Variants in GABRG1 observed in about 807,000 individuals in gnomAD.
The protein encoded by GABRG1 is gamma-aminobutyric acid type A receptor subunit gamma1, also known as gamma-aminobutyric acid receptor subunit gamma-1.
A neutral mutation model predicts 49.8 loss-of-function variants in GABRG1; 49 were observed. The observed-to-expected ratio is 0.98, with a 90% CI of 0.78 to 1.25. The LOEUF (loss-of-function observed/expected upper bound fraction) is 1.25, where lower values mean the gene tolerates loss of function less well. Among genes scored for constraint, GABRG1 ranks in the 50% most tolerant of loss-of-function variants. The pLI is 0.00. For missense variants in GABRG1, 552 were observed against 552.3 expected, an observed-to-expected ratio of 1.00 and a Z score of 0.01; for synonymous variants, 232 against 185.1, an observed-to-expected ratio of 1.25 and a Z score of -2.06.
At chr4:46,089,525 G>A (rs894941314) in intron 2 of GABRG1, among the ~76,000 whole-genome samples, 1 of 152,064 alleles carries the variant, frequency 6.6e-6, no homozygotes, top group Non-Finnish European at 1.5e-5. Context: ...CCCCCACAGT[G>A]TCACCCTAGT....
At chr4:46,091,837 C>T (rs1173257882) in intron 2 of GABRG1, among the ~76,000 whole-genome samples, 1 of 151,844 alleles carries the variant, frequency 6.6e-6, no homozygotes, top group East Asian at 1.9e-4. Context: ...CTGTAAACTC[C>T]TCAATATAAA....
At chr4:46,093,187 T>C (rs1337339266) in intron 2 of GABRG1, among the ~76,000 whole-genome samples, 2 of 151,940 alleles carry the variant, frequency 1.3e-5, no homozygotes, top group Non-Finnish European at 2.9e-5. Context: ...GATTGTTTCC[T>C]AATGATAAAA....
intron 2 of GABRG1, among the ~76,000 whole-genome samples, chr4:46,095,433 G>A (rs966064236): frequency 4.0e-5 from 6 of 151,650 alleles, no homozygotes; most frequent in African/African-American, 7.2e-5. Context: ...ATGTATCAAT[G>A]TCTAGAAAAA....
chr4:46,110,982 C>T (rs1289279165), intron 1 of GABRG1, among the ~76,000 whole-genome samples: 2 of 150,892 alleles, frequency 1.3e-5, no homozygotes, highest in Admixed American at 6.6e-5. Context: ...CAACGTAAGA[C>T]TAGAAATGCT....
chr4:46,085,177 G>C (rs958866156), intron 2 of GABRG1, among the ~76,000 whole-genome samples: 1 of 151,340 alleles, frequency 6.6e-6, no homozygotes, highest in Non-Finnish European at 1.5e-5. Context: ...TCTACATTGA[G>C]AGGGAAATTG....
At chr4:46,090,955 T>C (rs2350441) in intron 2 of GABRG1, among the ~76,000 whole-genome samples, 48,381 of 129,142 alleles carry the variant, frequency 0.37, 8,627 homozygotes, top group Non-Finnish European at 0.41. Context: ...CACACACACA[T>C]ACACACACAC....
Position 46,065,601 on chromosome 4 carries a change from G to GT in GABRG1, c.322-18dup. On this transcript the variant is annotated splice_polypyrimidine_tract_variant and intron_variant, in intron 3 of 8. Transcript: ENST00000295452. ...TGTATATTCCTAAAATATAAGAAGA[G>GT]TAACAACATATTAGTAAAGCTACTA... 4 of 1,117,118 alleles carry GT rather than the reference G, an allele frequency of 3.6e-6. No individual in the cohort carries two copies. Among genetic ancestry groups the GT allele is most frequent in the Non-Finnish European group, 5.3e-6 (4 of 752,642 alleles). The allele number at this position is 1,117,118 out of a possible 1,614,324, so 69.2% of individuals were successfully genotyped here.
intron 1 of GABRG1, among the ~76,000 whole-genome samples, chr4:46,118,638 GA>G (rs1275565502): frequency 6.6e-6 from 1 of 150,910 alleles, no homozygotes; most frequent in East Asian, 1.9e-4. Flanking sequence ...CTAGTTTCCA[GA>G]ACCCTGCTTA....
At chr4:46,071,101 T>C (rs1215447682) in intron 3 of GABRG1, among the ~76,000 whole-genome samples, 1 of 152,042 alleles carries the variant, frequency 6.6e-6, no homozygotes, top group East Asian at 1.9e-4. Context: ...ACAGATTACT[T>C]ACGTCTTTCT....
At chr4:46,060,486 T>C (rs1718631460) in intron 5 of GABRG1, among the ~76,000 whole-genome samples, 1 of 152,194 alleles carries the variant, frequency 6.6e-6, no homozygotes, top group Non-Finnish European at 1.5e-5. Flanking sequence ...TAGATGTTTG[T>C]AGCTAAAAAG....
In GABRG1 at chr4:46,040,006, AAGATT is replaced by A. The variant is rs1347714783; in HGVS notation, c.*977_*981del. 4.6e-5 allele frequency: 7 copies of A among 151,872 alleles called. No homozygotes were observed. The highest frequency in any genetic ancestry group is 1.0e-4 in the Non-Finnish European group (7 of 67,850). 9.4% of individuals were successfully genotyped at this position (151,872 alleles called of 1,614,324 possible). On this transcript the variant is annotated 3_prime_UTR_variant, in exon 9 of 9. Coordinates refer to ENST00000295452, the MANE Select transcript of GABRG1 (RefSeq NM_173536.4). ...AAAACAATGCTAATAGCACATATTT[AAGATT>A]TTGTCCTCAATATGACCGGCAACTC...
intron 3 of GABRG1, among the ~76,000 whole-genome samples, chr4:46,075,001 A>T (rs573089858): frequency 6.6e-6 from 1 of 152,126 alleles, no homozygotes; most frequent in African/African-American, 2.4e-5. Flanking sequence ...GCAAAAGGCA[A>T]GATCATAATT....
chr4:46,091,097 T>A lies in GABRG1; in HGVS notation c.253+6104A>T, dbSNP rs144438363. Among the ~76,000 whole-genome samples, 491 of 152,026 alleles carry A rather than the reference T, an allele frequency of 3.2e-3. 1 individual carries two copies. Among genetic ancestry groups the A allele is most frequent in the African/African-American group, 0.011 (476 of 41,502 alleles). ...TGACAAACCAAATATAAGCAGCTCC[T>A]AAGCATCTAAAACAACAGGAAGAGA... On this transcript the variant is annotated intron_variant, in intron 2 of 8. Coordinates refer to ENST00000295452, the MANE Select transcript of GABRG1 (RefSeq NM_173536.4).
At chr4:46,069,686 A>G (rs1382930660) in intron 3 of GABRG1, among the ~76,000 whole-genome samples, 1 of 152,116 alleles carries the variant, frequency 6.6e-6, no homozygotes, top group African/African-American at 2.4e-5. Context: ...GGCACATAGC[A>G]TCGTGTGCAT....
intron 3 of GABRG1, among the ~76,000 whole-genome samples, chr4:46,083,727 T>C (rs1387435097): frequency 6.6e-6 from 1 of 151,518 alleles, no homozygotes; most frequent in Non-Finnish European, 1.5e-5. Context: ...AGGGACCTCT[T>C]CTTGGTGGAT....
chr4:46,086,192 C>T (rs1577656005), intron 2 of GABRG1, among the ~76,000 whole-genome samples: 3 of 151,544 alleles, frequency 2.0e-5, no homozygotes, highest in African/African-American at 7.3e-5. Flanking sequence ...AGTAGATATT[C>T]TCCCAGTGGG....
rs566003925 is a variant in GABRG1, at chr4:46,122,800, CAG to C, written c.104+1008_104+1009del. Among the ~76,000 whole-genome samples the C allele has an allele frequency of 3.4e-4, 52 of 152,018 alleles. No individual in the cohort carries two copies. In the East Asian group the frequency reaches 5.2e-3, roughly 15 times the overall value. On this transcript the variant is annotated intron_variant, in intron 1 of 8. Coordinates refer to ENST00000295452, the MANE Select transcript of GABRG1 (RefSeq NM_173536.4). Reference sequence around the variant, plus strand: ...TTGTACTTTACTTTTGAATTCTATACAGAGTTACTTTTTTAATAATGTAATGA... The same window carrying C: ...TTGTACTTTACTTTTGAATTCTATACAGTTACTTTTTTAATAATGTAATGA...
intron 1 of GABRG1, among the ~76,000 whole-genome samples, chr4:46,101,494 T>C (rs16859082): frequency 0.08 from 12,185 of 151,630 alleles, 940 homozygotes; most frequent in African/African-American, 0.2. Flanking sequence ...GCACACTATA[T>C]GACAAAAAAA....
At chr4:46,097,085 A>T (rs559695476) in intron 2 of GABRG1, 116 bp downstream of exon 2, 1 of 878,618 alleles carries the variant, frequency 1.1e-6, no homozygotes, top group African/African-American at 1.7e-5. Flanking sequence ...CTTCAAATTC[A>T]GCAGATTCTC....
Sources: gnomAD v4.1 joint callset for allele counts (sites outside exome capture counted in the v4.1 genomes callset) on GRCh38, gnomAD v4.1.1 for gene constraint, MANE v1.5 for transcripts, NCBI Gene and HGNC (gene_info 2026-07-23, HGNC 2026-07-21) for gene names.